EDRF1: variants seen among roughly 807,000 people sequenced by gnomAD.
The protein encoded by EDRF1 is erythroid differentiation regulatory factor 1.
Under a neutral mutation model 148.7 loss-of-function variants are expected in EDRF1, and 69 were observed. The observed-to-expected ratio is 0.46, with a 90% CI of 0.38 to 0.57. The LOEUF is 0.57. Ranked by LOEUF, EDRF1 falls within the 20% of genes least tolerant of loss-of-function variation. EDRF1 has a pLI of 0.00. For synonymous variants in EDRF1, 515 were observed against 532.8 expected (o/e 0.97, Z 0.46); for missense variants, 1,118 against 1,478.7 (o/e 0.76, Z 4.00).
intron 16 of EDRF1, 69 bp from the exon 17 acceptor site, chr10:125,740,932 C>T: frequency 6.7e-7 from 1 of 1,494,488 alleles, no homozygotes. Context: ...ACAGTTTCTT[C>T]ATATTTCCTA....
Position 125,722,532 on chromosome 10 carries a change from T to C in EDRF1, c.318-536T>C, listed in dbSNP as rs147918504. Among the ~76,000 whole-genome samples the C allele has an allele frequency of 6.6e-4, 100 of 152,330 alleles. 1 individual carries two copies. In the South Asian group the frequency reaches 0.01, roughly 15 times the overall value. On this transcript the variant is annotated intron_variant, in intron 2 of 24. Transcript: ENST00000356792. ...TAGACTATAGATGTGCTTCAGGTGG[T>C]ACGTGGCATCAGTTGGCTGCTCAAT...
intron 17 of EDRF1, chr10:125,742,619 C>T (rs1005542601): frequency 2.1e-5 from 21 of 985,242 alleles, no homozygotes; most frequent in Non-Finnish European, 2.5e-5. Context: ...TCTTTTTACT[C>T]TAGTCCCCAC....
intron 24 of EDRF1, among the ~76,000 whole-genome samples, chr10:125,756,484 C>T (rs1849905021): frequency 6.6e-6 from 1 of 152,206 alleles, no homozygotes; most frequent in Non-Finnish European, 1.5e-5. Flanking sequence ...CTTCTGTATT[C>T]TCACTGAATT....
Position 125,743,893 on chromosome 10 carries a change from T to G in EDRF1, c.2590+617T>G, listed in dbSNP as rs888527177. 2.0e-5 allele frequency among the ~76,000 whole-genome samples: 3 copies of G among 152,102 alleles called. No individual in the cohort carries two copies. The East Asian group carries it at 5.8e-4, about 29-fold the overall frequency. The stretch of plus-strand genomic sequence containing the variant: ...AGGAAGATGTGGGATAGTGGGTAAG[T>G]AAGATGTGGGATGGCGTAGTAAGAT... On this transcript the variant is annotated intron_variant, in intron 18 of 24. Coordinates refer to ENST00000356792, the MANE Select transcript of EDRF1 (RefSeq NM_001202438.2).
intron 21 of EDRF1, 103 bp from the exon 22 acceptor site, chr10:125,749,309 A>C: frequency 7.8e-7 from 1 of 1,287,380 alleles, no homozygotes; most frequent in Admixed American, 1.7e-5. Flanking sequence ...AACTAATAAG[A>C]CCTAGTAAGA....
chr10:125,723,927 A>T lies in EDRF1; in HGVS notation c.501A>T (p.Arg167Ser), dbSNP rs778391588. ...TAGATATTCAAGAACTCTTTATGAGATCGTCTCAGGTAATGCTTTTGTGAA... is the reference window on the plus strand; with the variant it reads ...TAGATATTCAAGAACTCTTTATGAGTTCGTCTCAGGTAATGCTTTTGTGAA... ...DELDIQELFM[R>S]SSQTGDWTWL... The change falls in exon 4 of 25, where the codon AGA (arginine) becomes AGT (serine). Residue 167 changes from arginine (R) to serine (S), a missense_variant. Physicochemically the swap from Arg to Ser is moderately radical, Grantham distance 110. Transcript: ENST00000356792. 2 of 1,613,478 alleles carry T rather than the reference A, an allele frequency of 1.2e-6. No individual in the cohort carries two copies. Among genetic ancestry groups the T allele is most frequent in the South Asian group, 1.1e-5 (1 of 91,056 alleles).
chr10:125,745,516 T>C (rs542134900), intron 18 of EDRF1, 191 bp from the exon 19 acceptor site: 2 of 623,698 alleles, frequency 3.2e-6, no homozygotes, highest in East Asian at 2.8e-5. Flanking sequence ...CTTCAACATA[T>C]GAACTCATAT....
intron 24 of EDRF1, among the ~76,000 whole-genome samples, chr10:125,759,472 T>G (rs1589881353): frequency 6.6e-6 from 1 of 152,178 alleles, no homozygotes; most frequent in East Asian, 1.9e-4. Flanking sequence ...CTTTCAATAA[T>G]TGCCTTTGAA....
intron 6 of EDRF1, among the ~76,000 whole-genome samples, chr10:125,727,953 T>C (rs1848333684): frequency 6.6e-6 from 1 of 151,966 alleles, no homozygotes; most frequent in Non-Finnish European, 1.5e-5. Context: ...TCCCAGCACT[T>C]TGGGAGGCCG....
chr10:125,747,507 A>C, intron 19 of EDRF1, 29 bp from the exon 20 acceptor site: 2 of 1,613,716 alleles, frequency 1.2e-6, no homozygotes, highest in Non-Finnish European at 1.7e-6. Context: ...AAGCTGAGTC[A>C]GAAATGTACA....
At chr10:125,759,032 G>A (rs1279502996) in intron 24 of EDRF1, among the ~76,000 whole-genome samples, 1 of 152,148 alleles carries the variant, frequency 6.6e-6, no homozygotes, top group East Asian at 1.9e-4. Context: ...GAGGAGAAGG[G>A]TCCAGGTGGG....
Position 125,721,219 on chromosome 10 carries a change from C to T in EDRF1, c.124C>T (p.Leu42Phe), listed in dbSNP as rs967099050. 5.6e-6 allele frequency: 9 copies of T among 1,614,094 alleles called. No homozygotes were observed. In the Admixed American group the frequency reaches 6.7e-5, roughly 12 times the overall value. ...ESSAQGSALFLGGNEVKSRAV... is the reference protein window; with the variant it reads ...ESSAQGSALFFGGNEVKSRAV... ...TGTTAATTAGGGATCAGCTTTATTT[C>T]TTGGAGGCAATGAAGTGAAGAGCCG... The change falls in exon 2 of 25, where the codon CTT becomes TTT. Residue 42 changes from leucine (L) to phenylalanine (F), a missense_variant. This residue lies in a region of EDRF1 where 99 missense variants were observed against 186.9 expected (regional missense o/e 0.53). Transcript: ENST00000356792.
intron 24 of EDRF1, 70 bp downstream of exon 24, chr10:125,753,915 A>G (rs1208628160): frequency 2.6e-5 from 41 of 1,547,826 alleles, no homozygotes; most frequent in Non-Finnish European, 4.4e-6. Context: ...CTCTACTAAC[A>G]TCATAAAGAA....
Position 125,735,685 on chromosome 10 carries a change from A to G in EDRF1, c.1539A>G (p.Gln513=), listed in dbSNP as rs141536988. 109 of 1,613,398 alleles carry G rather than the reference A, an allele frequency of 6.8e-5. No homozygotes were observed. In the African/African-American group the frequency reaches 1.1e-3, roughly 16 times the overall value. ...ATTACATGCTTTCAGAACTTTTTCA[A>G]TTGGATGAACCTAAAAAGGAAGAAA... The part of the protein sequence containing the change: ...SANYMLSELF[Q]LDEPKKEENS... The change falls in exon 13 of 25, where the codon CAA becomes CAG. Residue 513 remains glutamine (Q), a synonymous_variant. Transcript: ENST00000356792.
At chr10:125,753,391 C>T (rs995341732) in intron 23 of EDRF1, among the ~76,000 whole-genome samples, 1 of 152,122 alleles carries the variant, frequency 6.6e-6, no homozygotes, top group African/African-American at 2.4e-5. Context: ...CCCCATGTTG[C>T]GCCCACCTAT....
chr10:125,755,041 C>G (rs540778736), intron 24 of EDRF1, among the ~76,000 whole-genome samples: 8 of 152,300 alleles, frequency 5.3e-5, no homozygotes, highest in Non-Finnish European at 1.2e-4. Flanking sequence ...TCCTGCTGTC[C>G]CCTTTGCAGT....
intron 2 of EDRF1, 109 bp downstream of exon 2, chr10:125,721,521 T>A: frequency 4.8e-6 from 5 of 1,032,400 alleles, no homozygotes; most frequent in Non-Finnish European, 7.4e-6. Context: ...AGATTTCTCT[T>A]TAGAGAAAGA....
At chr10:125,735,197 T>G (rs948786680) in intron 12 of EDRF1, among the ~76,000 whole-genome samples, 34 of 151,028 alleles carry the variant, frequency 2.3e-4, no homozygotes, top group Non-Finnish European at 4.0e-4. Flanking sequence ...ATGTAATGGT[T>G]TTTTTTTTCT....
chr10:125,747,977 C>T lies in EDRF1; in HGVS notation c.3088C>T (p.Leu1030=), dbSNP rs754119953. Residue 1030 remains leucine, a synonymous_variant, in exon 21 of 25, where the codon CTG becomes TTG. Coordinates refer to ENST00000356792, the MANE Select transcript of EDRF1 (RefSeq NM_001202438.2). Reference sequence around the variant, plus strand: ...TCGAGCTGCAACCATCCATCACAGGCTGGCCTCCATGTACCACAGCTGTCT... The same window carrying T: ...TCGAGCTGCAACCATCCATCACAGGTTGGCCTCCATGTACCACAGCTGTCT... ...QYRAATIHHR[L]ASMYHSCLRN... 4 of 1,614,220 alleles carry T rather than the reference C, an allele frequency of 2.5e-6. No individual in the cohort carries two copies. In the East Asian group the frequency reaches 6.7e-5, roughly 27 times the overall value.
Sources: gnomAD v4.1 joint callset for allele counts (sites outside exome capture counted in the v4.1 genomes callset) on GRCh38, gnomAD v4.1.1 for gene constraint, gnomAD v4.1.1 regional missense constraint, MANE v1.5 for transcripts, NCBI Gene and HGNC (gene_info 2026-07-23, HGNC 2026-07-21) for gene names.